SEC31B: variants seen among roughly 807,000 people sequenced by gnomAD.
The protein encoded by SEC31B is protein transport protein Sec31B.
Under a neutral mutation model 135.0 loss-of-function variants are expected in SEC31B, and 113 were observed. The observed-to-expected ratio is 0.84, with a 90% CI of 0.72 to 0.98. The LOEUF (loss-of-function observed/expected upper bound fraction) is 0.98, where lower values mean the gene tolerates loss of function less well. Among genes scored for constraint, SEC31B ranks in the 50% least tolerant of loss-of-function variants. The probability of loss-of-function intolerance (pLI) is 0.00; values close to 1 mark genes in which losing one functional copy is unlikely to be tolerated. For missense variants in SEC31B, 1,296 were observed against 1,421.1 expected, an observed-to-expected ratio of 0.91 and a Z score of 1.42; for synonymous variants, 508 against 549.4, an observed-to-expected ratio of 0.92 and a Z score of 1.05.
At chr10:100,506,300 C>A in intron 8 of SEC31B, 21 bp downstream of exon 8, 1 of 1,614,110 alleles carries the variant, frequency 6.2e-7, no homozygotes, top group South Asian at 1.1e-5. Flanking sequence ...TCCCAGCATG[C>A]CCACAGAAGG....
Position 100,489,298 on chromosome 10 carries a change from C to T in SEC31B, c.3125G>A (p.Ser1042Asn), listed in dbSNP as rs759145224. Residue 1042 changes from serine to asparagine, a missense_variant, in exon 23 of 26, where the codon AGT becomes AAT. Ser to Asn is a conservative substitution (Grantham distance 46). Transcript: ENST00000370345. The stretch of plus-strand genomic sequence containing the variant: ...AACTCCTGGGGGAGCATGACTCACA[C>T]TGGAGACAGGGGGCTGTGAGGGAAG... ...GILPSQPPVS[S>N]VSHAPPGVPG... The T allele has an allele frequency of 6.2e-7, 1 of 1,613,234 alleles. No homozygotes were observed. The highest frequency in any genetic ancestry group is 1.1e-5 in the South Asian group (1 of 90,812).
chr10:100,511,999 T>G (rs1015562067), intron 3 of SEC31B, among the ~76,000 whole-genome samples: 4 of 152,212 alleles, frequency 2.6e-5, no homozygotes, highest in African/African-American at 4.8e-5. Context: ...CTCAGGTCTA[T>G]CCAACAACTA....
chr10:100,499,990 G>A (rs1170990134), intron 11 of SEC31B: 2 of 437,644 alleles, frequency 4.6e-6, no homozygotes, highest in African/African-American at 4.1e-5. Flanking sequence ...CCTGTTTGCA[G>A]TGGCTCTTGT....
intron 10 of SEC31B, among the ~76,000 whole-genome samples, chr10:100,503,591 G>A (rs1422646858): frequency 2.6e-5 from 4 of 151,682 alleles, no homozygotes; most frequent in South Asian, 2.1e-4. Flanking sequence ...GCACCACCAC[G>A]CCCGGCTAAT....
intron 22 of SEC31B, 110 bp downstream of exon 22, chr10:100,489,593 G>A: frequency 1.3e-6 from 2 of 1,500,224 alleles, no homozygotes; most frequent in Non-Finnish European, 1.8e-6. Flanking sequence ...GTAAGTGGGA[G>A]GAGGGCGGGG....
rs1162412681 is a variant in SEC31B, at chr10:100,490,251, A to G, written c.2722T>C (p.Trp908Arg). Residue 908 changes from tryptophan to arginine, a missense_variant, in exon 21 of 26, where the codon TGG becomes CGG. Transcript: ENST00000370345. ...VPNPVGFPGT[W>R]PLPGSPLPMA... ...GGTAGAGGGGAACCAGGAAGAGGCC[A>G]TGTCCCAGGGAATCCCACCGGGTTA... is the stretch of plus-strand genomic sequence containing the variant. 3 of 1,613,760 alleles carry G rather than the reference A, an allele frequency of 1.9e-6. No individual in the cohort carries two copies. The highest frequency in any genetic ancestry group is 2.5e-6 in the Non-Finnish European group (3 of 1,179,864).
Position 100,489,333 on chromosome 10 carries a change from T to C in SEC31B, c.3090A>G (p.Leu1030=). The C allele has an allele frequency of 6.2e-7, 1 of 1,613,858 alleles. No individual in the cohort carries two copies. The highest frequency in any genetic ancestry group is 1.7e-4 in the Middle Eastern group (1 of 6,054). The part of the protein sequence containing the change: ...TAPVMSLTPE[L]QGILPSQPPV... ...GGGGCTGTGAGGGAAGAATCCCTTG[T>C]AGCTCAGGGGTGAGGCTCATAACTG... is the stretch of plus-strand genomic sequence containing the variant. The change falls in exon 23 of 26, where the codon CTA becomes CTG. Residue 1030 remains leucine, a synonymous_variant. Coordinates refer to ENST00000370345, the MANE Select transcript of SEC31B (RefSeq NM_015490.4).
intron 19 of SEC31B, 182 bp downstream of exon 19, chr10:100,495,203 C>A (rs919379765): frequency 1.1e-5 from 7 of 641,744 alleles, no homozygotes; most frequent in Admixed American, 5.7e-5. Context: ...AATTTTTGCA[C>A]CTTTATGTCC....
At chr10:100,506,869 C>T (rs548313958) in intron 7 of SEC31B, among the ~76,000 whole-genome samples, 3 of 152,146 alleles carry the variant, frequency 2.0e-5, no homozygotes, top group Admixed American at 6.5e-5. Context: ...CAAGGCCGAG[C>T]GGGGAGGATC....
intron 3 of SEC31B, among the ~76,000 whole-genome samples, chr10:100,515,004 T>C (rs572851821): frequency 1.5e-4 from 22 of 145,660 alleles, no homozygotes; most frequent in African/African-American, 5.7e-4. Flanking sequence ...AAAAAAATAG[T>C]AGAGCCAGCT....
chr10:100,509,222 G>C (rs1255827852), intron 4 of SEC31B, 94 bp downstream of exon 4: 1 of 1,497,258 alleles, frequency 6.7e-7, no homozygotes, highest in Non-Finnish European at 9.2e-7. Context: ...CTGGAAAGGG[G>C]TCAGAGTTAC....
chr10:100,518,952 A>C (rs1011656773), intron 1 of SEC31B, among the ~76,000 whole-genome samples: 4 of 152,168 alleles, frequency 2.6e-5, no homozygotes, highest in African/African-American at 9.7e-5. Flanking sequence ...AGCCATTTTA[A>C]TGTTTCTGGG....
chr10:100,503,503 G>A (rs576246229), intron 10 of SEC31B, among the ~76,000 whole-genome samples: 56 of 150,312 alleles, frequency 3.7e-4, no homozygotes, highest in South Asian at 2.1e-4. Flanking sequence ...GCGCAATCTC[G>A]GCTCACCGTA....
chr10:100,514,062 G>A (rs1851782415), intron 3 of SEC31B, among the ~76,000 whole-genome samples: 1 of 151,942 alleles, frequency 6.6e-6, no homozygotes, highest in Non-Finnish European at 1.5e-5. Flanking sequence ...GCGCACCCCT[G>A]TAATCCCAGC....
chr10:100,494,928 T>C, intron 19 of SEC31B: 1 of 188,736 alleles, frequency 5.3e-6, no homozygotes, highest in Non-Finnish European at 1.1e-5. Context: ...CAGGTTCAAG[T>C]GATACTCCTG....
At chr10:100,504,822 G>A (rs1450218118) in intron 10 of SEC31B, among the ~76,000 whole-genome samples, 1 of 151,786 alleles carries the variant, frequency 6.6e-6, no homozygotes, top group Non-Finnish European at 1.5e-5. Flanking sequence ...GAAGGTTAGG[G>A]TACAAGCAGA....
intron 24 of SEC31B, 85 bp downstream of exon 24, chr10:100,488,773 C>T: frequency 6.8e-7 from 1 of 1,464,134 alleles, no homozygotes; most frequent in South Asian, 1.5e-5. Flanking sequence ...AGAAGAGAGT[C>T]ACACAAGGAA....
At chr10:100,495,213 C>A in intron 19 of SEC31B, 172 bp downstream of exon 19, 1 of 686,588 alleles carries the variant, frequency 1.5e-6, no homozygotes, top group Non-Finnish European at 2.5e-6. Flanking sequence ...CCTTTATGTC[C>A]TAAGAGCCTA....
chr10:100,507,697 G>A, intron 6 of SEC31B, 130 bp from the exon 7 acceptor site: 1 of 1,353,324 alleles, frequency 7.4e-7, no homozygotes, highest in Non-Finnish European at 1.0e-6. Context: ...GAGAGTGATG[G>A]CCAGGAATAA....
Sources: gnomAD v4.1 joint callset for allele counts (sites outside exome capture counted in the v4.1 genomes callset) on GRCh38, gnomAD v4.1.1 for gene constraint, MANE v1.5 for transcripts, NCBI Gene and HGNC (gene_info 2026-07-23, HGNC 2026-07-21) for gene names.